The following FARP1 variants were observed in gnomAD, a reference collection of about 807,000 sequenced individuals.
FARP1 encodes the protein FERM, ARH/RhoGEF and pleckstrin domain protein 1.
FARP1 carries 52 observed loss-of-function variants against 128.8 expected under a neutral mutation model. The ratio of observed to expected loss-of-function variants is 0.40; its 90% confidence interval spans 0.32 to 0.51. The LOEUF (loss-of-function observed/expected upper bound fraction) is 0.51, where lower values mean the gene tolerates loss of function less well. Ranked by LOEUF, FARP1 falls within the 20% of genes least tolerant of loss-of-function variation. The pLI, the probability that FARP1 is intolerant of heterozygous loss-of-function variation, is 0.45. For synonymous variants in FARP1, 580 were observed against 551.8 expected, an observed-to-expected ratio of 1.05 and a Z score of -0.72; for missense variants, 1,333 against 1,367.9, an observed-to-expected ratio of 0.97 and a Z score of 0.40.
At chr13:98,155,851 T>C (rs1876464764) in intron 1 of FARP1, among the ~76,000 whole-genome samples, 1 of 152,166 alleles carries the variant, frequency 6.6e-6, no homozygotes, top group Non-Finnish European at 1.5e-5. Flanking sequence ...ATGGAAGTTA[T>C]ACACTGTCAC....
intron 2 of FARP1, among the ~76,000 whole-genome samples, chr13:98,303,036 G>A (rs890219112): frequency 6.6e-6 from 1 of 152,132 alleles, no homozygotes; most frequent in African/African-American, 2.4e-5. Flanking sequence ...GCTCTGTTTT[G>A]ATTGTAAAGG....
intron 1 of FARP1, among the ~76,000 whole-genome samples, chr13:98,198,896 T>TCC (rs1879749188): frequency 2.7e-4 from 3 of 11,086 alleles, no homozygotes; most frequent in African/African-American, 7.2e-4. Context: ...CCCTCCCTGC[T>TCC]CCGCTCCCCC....
chr13:98,143,727 C>A (rs1341694012), intron 1 of FARP1, among the ~76,000 whole-genome samples: 2 of 151,622 alleles, frequency 1.3e-5, no homozygotes, highest in Non-Finnish European at 2.9e-5. Context: ...CCGGGCTGCC[C>A]CCTGCGCCCC....
chr13:98,239,911 G>A (rs1294144231), intron 2 of FARP1, among the ~76,000 whole-genome samples: 1 of 152,188 alleles, frequency 6.6e-6, no homozygotes, highest in African/African-American at 2.4e-5. Context: ...AGGTGAAGGA[G>A]GAGGGGCCCA....
intron 6 of FARP1, among the ~76,000 whole-genome samples, chr13:98,380,212 C>T (rs1209848486): frequency 5.9e-5 from 9 of 151,920 alleles, no homozygotes; most frequent in East Asian, 1.9e-4. Flanking sequence ...TTTGGGAGGC[C>T]GAGGCGGGCG....
chr13:98,385,629 A>G (rs371729964), intron 7 of FARP1, 38 bp from the exon 8 acceptor site: 1 of 1,609,930 alleles, frequency 6.2e-7, no homozygotes. Flanking sequence ...AGGGAATTCA[A>G]ATCTCCTGGC....
At chr13:98,386,997 GT>G (rs1260861624) in intron 8 of FARP1, among the ~76,000 whole-genome samples, 2 of 152,128 alleles carry the variant, frequency 1.3e-5, no homozygotes, top group African/African-American at 4.8e-5. Context: ...TAGCCTCTGA[GT>G]ATCGGATAAG....
chr13:98,375,964 A>G (rs1316349580), intron 5 of FARP1, among the ~76,000 whole-genome samples: 1 of 152,134 alleles, frequency 6.6e-6, no homozygotes. Context: ...AAAGGGTGCT[A>G]CTGAGAGGAC....
intron 2 of FARP1, among the ~76,000 whole-genome samples, chr13:98,251,149 A>G (rs1883303707): frequency 6.6e-6 from 1 of 152,240 alleles, no homozygotes; most frequent in Non-Finnish European, 1.5e-5. Context: ...ATTAAATCTT[A>G]TTGTTGAACC....
At chr13:98,359,604 G>A (rs112078568) in intron 3 of FARP1, among the ~76,000 whole-genome samples, 6 of 152,174 alleles carry the variant, frequency 3.9e-5, no homozygotes, top group African/African-American at 1.2e-4. Context: ...CTGCGTGTAC[G>A]ATGGTGGTCC....
At chr13:98,296,405 T>C (rs759189029) in intron 2 of FARP1, among the ~76,000 whole-genome samples, 1 of 152,102 alleles carries the variant, frequency 6.6e-6, no homozygotes, top group Non-Finnish European at 1.5e-5. Context: ...GAAATGACTT[T>C]CCCTGTAAAA....
intron 8 of FARP1, among the ~76,000 whole-genome samples, chr13:98,386,799 T>A (rs748539653): frequency 9.2e-5 from 14 of 152,112 alleles, no homozygotes; most frequent in Non-Finnish European, 2.1e-4. Flanking sequence ...ATTTCCCCCT[T>A]ATCTTTTATC....
intron 2 of FARP1, among the ~76,000 whole-genome samples, chr13:98,246,423 A>AC (rs1351853625): frequency 6.6e-6 from 1 of 152,120 alleles, no homozygotes; most frequent in Non-Finnish European, 1.5e-5. Context: ...TCATCTGTAG[A>AC]TCAGCAAAAA....
chr13:98,354,866 G>T (rs1179555819), intron 3 of FARP1, among the ~76,000 whole-genome samples: 1 of 152,116 alleles, frequency 6.6e-6, no homozygotes, highest in Non-Finnish European at 1.5e-5. Context: ...TAAGCTTTAG[G>T]TAATAAGCAC....
intron 1 of FARP1, among the ~76,000 whole-genome samples, chr13:98,207,036 T>C (rs1384220371): frequency 6.6e-6 from 1 of 152,236 alleles, no homozygotes; most frequent in Non-Finnish European, 1.5e-5. Context: ...TTACCAGTTT[T>C]GCTATCAAGC....
chr13:98,351,872 G>A (rs757635233), intron 3 of FARP1, among the ~76,000 whole-genome samples: 8 of 151,972 alleles, frequency 5.3e-5, no homozygotes, highest in African/African-American at 1.7e-4. Context: ...TGAGGGACCC[G>A]TCCCCGTGAA....
chr13:98,440,088 T>C, intron 22 of FARP1, 35 bp from the exon 23 acceptor site: 1 of 1,610,510 alleles, frequency 6.2e-7, no homozygotes, highest in Non-Finnish European at 8.5e-7. Context: ...TTTGATGTGC[T>C]GTGGCCTGAA....
chr13:98,161,010 T>A (rs1414286189), intron 1 of FARP1, among the ~76,000 whole-genome samples: 1 of 152,100 alleles, frequency 6.6e-6, no homozygotes, highest in Non-Finnish European at 1.5e-5. Flanking sequence ...CTTGATGGAC[T>A]TTATTATTCA....
chr13:98,178,035 C>T (rs1046234396), intron 1 of FARP1: 2 of 152,008 alleles, frequency 1.3e-5, no homozygotes, highest in African/African-American at 4.8e-5. Flanking sequence ...CACACTGCAC[C>T]TGTGGGTGTG....
Sources: gnomAD v4.1 joint callset for allele counts (sites outside exome capture counted in the v4.1 genomes callset) on GRCh38, gnomAD v4.1.1 for gene constraint, MANE v1.5 for transcripts, NCBI Gene and HGNC (gene_info 2026-07-23, HGNC 2026-07-21) for gene names.